NHSL1: variants seen among roughly 807,000 people sequenced by gnomAD.
NHSL1 encodes the protein NHS like 1, also known as NHS-like protein 1.
In NHSL1, 48 loss-of-function variants were observed where a neutral mutation model predicts 95.0. That is an observed-to-expected ratio of 0.51 (90% CI 0.40 to 0.64). The LOEUF (loss-of-function observed/expected upper bound fraction) is 0.64, where lower values mean the gene tolerates loss of function less well. NHSL1 is among the 30% of genes least tolerant of loss of function. The pLI is 0.00. For missense variants in NHSL1, 1,971 were observed against 2,077.7 expected (o/e 0.95, Z 1.00); for synonymous variants, 783 against 833.9 (o/e 0.94, Z 1.05).
chr6:138,512,278 C>A, intron 1 of NHSL1: 4 of 455,778 alleles, frequency 8.8e-6, no homozygotes, highest in South Asian at 4.7e-5. Context: ...GAGATACTCA[C>A]CAACTGCACC....
rs907846887 is a variant in NHSL1, at chr6:138,628,113, G to A, written c.96+64363C>T. 2.0e-5 allele frequency among the ~76,000 whole-genome samples: 3 copies of A among 151,186 alleles called. No individual in the cohort carries two copies. The East Asian group carries it at 5.8e-4, about 29-fold the overall frequency. ...GGATCACCTGAAGTTGGGAGTTCGAGACCAGCCTGACCAATGTGGAGAAAC... is the reference window on the plus strand; with the variant it reads ...GGATCACCTGAAGTTGGGAGTTCGAAACCAGCCTGACCAATGTGGAGAAAC... On this transcript the variant is annotated intron_variant, in intron 1 of 3. Transcript: ENST00000491526.
intron 1 of NHSL1, chr6:138,650,363 C>A: frequency 2.4e-6 from 3 of 1,270,348 alleles, no homozygotes; most frequent in Non-Finnish European, 3.4e-6. Flanking sequence ...GCCCAGCCTG[C>A]AGCCCACAGT....
upstream of NHSL1, among the ~76,000 whole-genome samples, chr6:138,504,274 T>C (rs1780844520): frequency 6.6e-6 from 1 of 152,142 alleles, no homozygotes; most frequent in Non-Finnish European, 1.5e-5. Flanking sequence ...AGAGAGAACG[T>C]ATTCGCTGCC....
chr6:138,569,392 C>T (rs1295426718), intron 1 of NHSL1, among the ~76,000 whole-genome samples: 2 of 151,738 alleles, frequency 1.3e-5, no homozygotes, highest in African/African-American at 2.4e-5. Context: ...AGGGGGGTTG[C>T]GGAATAAACT....
intron 1 of NHSL1, among the ~76,000 whole-genome samples, chr6:138,666,209 A>G (rs6570254): frequency 0.04 from 6,089 of 152,284 alleles, 318 homozygotes; most frequent in African/African-American, 0.12. Flanking sequence ...AGGCTGAGGC[A>G]GGAGAATCAC....
chr6:138,619,691 G>A (rs183714663), intron 1 of NHSL1, among the ~76,000 whole-genome samples: 3 of 152,274 alleles, frequency 2.0e-5, no homozygotes, highest in Admixed American at 6.5e-5. Flanking sequence ...GGAGGACAAG[G>A]CAGTAGGACT....
chr6:138,538,062 C>T (rs76930179), intron 1 of NHSL1, among the ~76,000 whole-genome samples: 4,294 of 152,200 alleles, frequency 0.028, 83 homozygotes, highest in South Asian at 0.051. Context: ...TTCAAAATGT[C>T]GACAAATCTT....
chr6:138,646,315 T>C (rs1785020417), intron 1 of NHSL1, among the ~76,000 whole-genome samples: 1 of 152,128 alleles, frequency 6.6e-6, no homozygotes. Flanking sequence ...TTGTAAGGAT[T>C]AGAAATAATA....
At chr6:138,501,095 A>G (rs1780650437), upstream of NHSL1, among the ~76,000 whole-genome samples, 1 of 152,214 alleles carries the variant, frequency 6.6e-6, no homozygotes, top group Admixed American at 6.5e-5. Context: ...TGCACAATCC[A>G]CAAGTGTTTG....
intron 2 of NHSL1, among the ~76,000 whole-genome samples, chr6:138,481,317 A>C (rs1779405298): frequency 6.6e-6 from 1 of 152,180 alleles, no homozygotes; most frequent in African/African-American, 2.4e-5. Context: ...CCCCTTCATA[A>C]ATTTGTTGGG....
chr6:138,604,683 T>C (rs1191699508), intron 1 of NHSL1, among the ~76,000 whole-genome samples: 1 of 152,194 alleles, frequency 6.6e-6, no homozygotes, highest in Admixed American at 6.5e-5. Flanking sequence ...TGGAGTGCAG[T>C]GGCGTGATCT....
intron 1 of NHSL1, among the ~76,000 whole-genome samples, chr6:138,596,252 A>G (rs1784302137): frequency 6.6e-6 from 1 of 152,098 alleles, no homozygotes; most frequent in Admixed American, 6.5e-5. Flanking sequence ...AAGAGGTTAA[A>G]TTACCTCCCC....
At chr6:138,519,923 A>T (rs997679546) in intron 1 of NHSL1, among the ~76,000 whole-genome samples, 2 of 152,204 alleles carry the variant, frequency 1.3e-5, no homozygotes, top group African/African-American at 4.8e-5. Flanking sequence ...TAGTTGATCA[A>T]AAATTTTCCT....
At chr6:138,490,836 G>A (rs1583293330) in intron 2 of NHSL1, among the ~76,000 whole-genome samples, 1 of 152,134 alleles carries the variant, frequency 6.6e-6, no homozygotes, top group East Asian at 1.9e-4. Context: ...GTTTCACCAT[G>A]TTGGCCAGGA....
intron 1 of NHSL1, among the ~76,000 whole-genome samples, chr6:138,594,459 C>T (rs529334828): frequency 1.3e-5 from 2 of 152,248 alleles, no homozygotes; most frequent in East Asian, 3.9e-4. Flanking sequence ...GACGTGACAT[C>T]GTTGAGTGTT....
intron 1 of NHSL1, among the ~76,000 whole-genome samples, chr6:138,611,616 G>A (rs1784512699): frequency 1.3e-5 from 2 of 152,008 alleles, no homozygotes; most frequent in Non-Finnish European, 2.9e-5. Flanking sequence ...CGCAGTGAGG[G>A]GCTCCTGTAG....
chr6:138,597,903 GGT>G (rs1784321996), intron 1 of NHSL1, among the ~76,000 whole-genome samples: 1 of 152,154 alleles, frequency 6.6e-6, no homozygotes, highest in African/African-American at 2.4e-5. Flanking sequence ...CTGACCTACA[GGT>G]TATGCCAGCA....
rs117207258 is a variant in NHSL1, at chr6:138,496,197, C to A, written c.211+22G>T. The A allele has an allele frequency of 9.1e-4, 1,417 of 1,550,452 alleles. 23 individuals are homozygous for A. In the East Asian group the frequency reaches 0.025, roughly 28 times the overall value. ...GCAGCCAGTAACCCAAGAAAATAAGCTCACAGAGGATGCCATCTTACCCCT... is the reference window on the plus strand; with the variant it reads ...GCAGCCAGTAACCCAAGAAAATAAGATCACAGAGGATGCCATCTTACCCCT... On this transcript the variant is annotated intron_variant, in intron 2 of 7. Transcript: ENST00000343505.
intron 1 of NHSL1, among the ~76,000 whole-genome samples, chr6:138,564,798 CAA>C (rs980302352): frequency 6.6e-6 from 1 of 152,096 alleles, no homozygotes; most frequent in African/African-American, 2.4e-5. Flanking sequence ...AACATAGAGA[CAA>C]GAGCCATCAG....
Sources: allele counts gnomAD v4.1 joint callset (sites outside exome capture counted in the v4.1 genomes callset), GRCh38; gene constraint gnomAD v4.1.1; transcripts MANE v1.5; gene names NCBI Gene and HGNC (gene_info 2026-07-23, HGNC 2026-07-21).